Variants in ZC3H3 observed in about 807,000 individuals in gnomAD.
ZC3H3 encodes zinc finger CCCH-type containing 3.
Under a neutral mutation model 77.3 loss-of-function variants are expected in ZC3H3, and 36 were observed. That is an observed-to-expected ratio of 0.47 (90% CI 0.36 to 0.61). The LOEUF is 0.61. Ranked by LOEUF, ZC3H3 falls within the 20% of genes least tolerant of loss-of-function variation. The probability of loss-of-function intolerance (pLI) is 0.00; values close to 1 mark genes in which losing one functional copy is unlikely to be tolerated. For synonymous variants in ZC3H3, 626 were observed against 555.2 expected (o/e 1.13, Z -1.79); for missense variants, 1,331 against 1,312.2 (o/e 1.01, Z -0.22).
chr8:143,537,391 C>T (rs1313083403), intron 2 of ZC3H3, among the ~76,000 whole-genome samples: 1 of 152,218 alleles, frequency 6.6e-6, no homozygotes, highest in Non-Finnish European at 1.5e-5. Flanking sequence ...AGGAGGCTCC[C>T]GCCTACCAGC....
chr8:143,534,825 G>A (rs958832745), intron 3 of ZC3H3, among the ~76,000 whole-genome samples: 2 of 152,144 alleles, frequency 1.3e-5, no homozygotes, highest in Admixed American at 1.3e-4. Context: ...CTGGCGTGCA[G>A]CAGGTGTCGG....
intron 3 of ZC3H3, among the ~76,000 whole-genome samples, chr8:143,532,433 T>C (rs1462944504): frequency 1.3e-5 from 2 of 152,222 alleles, no homozygotes; most frequent in Non-Finnish European, 2.9e-5. Flanking sequence ...GCCGTCTCCT[T>C]GAAGAGGAGA....
intron 4 of ZC3H3, among the ~76,000 whole-genome samples, chr8:143,506,298 C>T (rs1484481540): frequency 6.6e-6 from 1 of 152,228 alleles, no homozygotes; most frequent in Non-Finnish European, 1.5e-5. Flanking sequence ...GGGCTGACGA[C>T]GACCACAGGA....
At chr8:143,527,719 C>T (rs1446922528) in intron 3 of ZC3H3, among the ~76,000 whole-genome samples, 1 of 152,152 alleles carries the variant, frequency 6.6e-6, no homozygotes, top group Non-Finnish European at 1.5e-5. Context: ...CCCAGCTGCA[C>T]ACAGCAAGCA....
intron 5 of ZC3H3, among the ~76,000 whole-genome samples, chr8:143,473,762 C>G (rs1282273241): frequency 2.0e-5 from 3 of 152,244 alleles, no homozygotes; most frequent in Non-Finnish European, 1.5e-5. Flanking sequence ...AGAGCACCTG[C>G]TGCTGGCCCC....
At chr8:143,506,754 G>A (rs182585123) in intron 4 of ZC3H3, among the ~76,000 whole-genome samples, 510 of 152,330 alleles carry the variant, frequency 3.3e-3, no homozygotes, top group Middle Eastern at 6.8e-3. Context: ...TGGTGGGCTC[G>A]CCAGCTGGCT....
intron 9 of ZC3H3, 109 bp from the exon 10 acceptor site, chr8:143,441,229 A>G (rs1354115588): frequency 1.7e-6 from 2 of 1,176,484 alleles, no homozygotes; most frequent in African/African-American, 1.6e-5. Flanking sequence ...GGGGCCCCAT[A>G]GGCTCCGTCC....
At chr8:143,490,762 A>G (rs1821179131) in intron 4 of ZC3H3, among the ~76,000 whole-genome samples, 1 of 152,184 alleles carries the variant, frequency 6.6e-6, no homozygotes, top group Non-Finnish European at 1.5e-5. Flanking sequence ...TAAAAATACA[A>G]AAATTAGCCA....
intron 4 of ZC3H3, among the ~76,000 whole-genome samples, chr8:143,488,877 AG>A (rs1199718946): frequency 6.6e-6 from 1 of 152,272 alleles, no homozygotes; most frequent in African/African-American, 2.4e-5. Flanking sequence ...ACAAGCGAAT[AG>A]GGAACACAAA....
At chr8:143,479,219 G>A (rs1168483688) in intron 4 of ZC3H3, among the ~76,000 whole-genome samples, 1 of 152,208 alleles carries the variant, frequency 6.6e-6, no homozygotes, top group East Asian at 1.9e-4. Flanking sequence ...TGGCTGCCTG[G>A]CTGGCTTTGG....
At chr8:143,492,267 C>G (rs1051523904) in intron 4 of ZC3H3, among the ~76,000 whole-genome samples, 1 of 152,170 alleles carries the variant, frequency 6.6e-6, no homozygotes, top group South Asian at 2.1e-4. Flanking sequence ...CGGCCACCCA[C>G]TGAAAACACC....
intron 9 of ZC3H3, among the ~76,000 whole-genome samples, chr8:143,441,647 AG>A (rs1819745543): frequency 2.0e-5 from 3 of 152,142 alleles, no homozygotes; most frequent in Admixed American, 2.0e-4. Context: ...CCCACAGGGC[AG>A]GGGGTGTGCC....
chr8:143,471,915 G>A (rs527784536), intron 5 of ZC3H3, among the ~76,000 whole-genome samples: 87 of 152,360 alleles, frequency 5.7e-4, no homozygotes, highest in Admixed American at 1.3e-3. Flanking sequence ...ATGGCGAGGC[G>A]GGGCCGGTGG....
intron 4 of ZC3H3, among the ~76,000 whole-genome samples, chr8:143,479,818 G>A (rs1820858688): frequency 6.6e-6 from 1 of 152,212 alleles, no homozygotes; most frequent in Admixed American, 6.5e-5. Context: ...CAAAGGCCAG[G>A]AGGGGGAGAT....
At chr8:143,455,207 A>G (rs1820084190) in intron 9 of ZC3H3, among the ~76,000 whole-genome samples, 1 of 152,104 alleles carries the variant, frequency 6.6e-6, no homozygotes, top group East Asian at 1.9e-4. Context: ...CCAGCTACTC[A>G]GGAGGCTGAA....
At chr8:143,491,480 C>T (rs944602134) in intron 4 of ZC3H3, among the ~76,000 whole-genome samples, 6 of 152,250 alleles carry the variant, frequency 3.9e-5, no homozygotes, top group Non-Finnish European at 8.8e-5. Context: ...GGCTCACACC[C>T]GTATGACCCC....
chr8:143,501,900 G>A (rs1821537305), intron 4 of ZC3H3, among the ~76,000 whole-genome samples: 1 of 152,260 alleles, frequency 6.6e-6, no homozygotes, highest in Non-Finnish European at 1.5e-5. Flanking sequence ...GAATGTTTGT[G>A]TCCCTCGAAA....
chr8:143,438,175 G>A, intron 11 of ZC3H3, 88 bp from the exon 12 acceptor site: 1 of 1,520,930 alleles, frequency 6.6e-7, no homozygotes, highest in South Asian at 1.2e-5. Flanking sequence ...CTCAGGATCG[G>A]GGGGCTCTGT....
Position 143,468,503 on chromosome 8 carries a change from C to A in ZC3H3, c.1984G>T (p.Ala662Ser). Reference protein sequence around the residue: ...VQRSLAIIRQARQRREKRKEY... With the variant: ...VQRSLAIIRQSRQRREKRKEY... ...TTCCTCTTCTCCCTGCGCTGCCGCG[C>A]CTGCCGGATGATGGCCAGGCTGCGC... is the stretch of plus-strand genomic sequence containing the variant. Residue 662 changes from alanine (A) to serine (S), a missense_variant, in exon 7 of 12, where the codon GCG becomes TCG. Around this residue, in one of 3 missense-constraint regions of ZC3H3, gnomAD observed 978 missense variants for 915.5 expected, o/e 1.07. Transcript: ENST00000262577. 6.2e-7 allele frequency: 1 copy of A among 1,609,126 alleles called. No homozygotes were observed. Among genetic ancestry groups the A allele is most frequent in the Non-Finnish European group, 8.5e-7 (1 of 1,178,396 alleles).
Sources: allele counts gnomAD v4.1 joint callset (sites outside exome capture counted in the v4.1 genomes callset), GRCh38; gene constraint gnomAD v4.1.1; regional missense constraint gnomAD v4.1.1; transcripts MANE v1.5; gene names NCBI Gene and HGNC (gene_info 2026-07-23, HGNC 2026-07-21).